The following PCNX2 variants were observed in gnomAD, a reference collection of about 807,000 sequenced individuals.
The protein encoded by PCNX2 is pecanex-like protein 2.
Under a neutral mutation model 223.8 loss-of-function variants are expected in PCNX2, and 168 were observed. That is an observed-to-expected ratio of 0.75 (90% confidence interval 0.66 to 0.85). The LOEUF (loss-of-function observed/expected upper bound fraction) is 0.85, where lower values mean the gene tolerates loss of function less well. Ranked by LOEUF, PCNX2 falls within the 40% of genes least tolerant of loss-of-function variation. PCNX2 has a pLI of 0.00. For synonymous variants in PCNX2, 1,006 were observed against 1,052.6 expected (o/e 0.96, Z 0.86); for missense variants, 2,507 against 2,675.5 (o/e 0.94, Z 1.39).
chr1:233,022,611 G>GA (rs1670933180), intron 26 of PCNX2, among the ~76,000 whole-genome samples: 1 of 145,478 alleles, frequency 6.9e-6, no homozygotes, highest in Admixed American at 6.8e-5. Flanking sequence ...AGATGGGGGG[G>GA]GAGTGGGAAA....
In PCNX2 at chr1:233,095,797, C is replaced by A. The variant is rs1438421463; in HGVS notation, c.3904G>T (p.Gly1302Cys). 1 of 1,612,492 alleles carries A rather than the reference C, an allele frequency of 6.2e-7. No individual in the cohort carries two copies. The highest frequency in any genetic ancestry group is 1.3e-5 in the African/African-American group (1 of 74,986). Residue 1302 changes from glycine (G) to cysteine (C), a missense_variant, in exon 22 of 34, where the codon GGT (glycine) becomes TGT (cysteine). By Grantham distance (159) the Gly-to-Cys change is radical. Around this residue, in one of 3 missense-constraint regions of PCNX2, gnomAD observed 1,372 missense variants for 1,509.4 expected, o/e 0.91. Coordinates refer to ENST00000258229, the MANE Select transcript of PCNX2 (RefSeq NM_014801.4). ...TGAGCAAACACGTGAAACGAAGAAC[C>A]CCAAGCCATCTGCCAAGGAGCCACA... ...TYVAPWQMAW[G>C]SSFHVFAQLF...
intron 9 of PCNX2, 62 bp from the exon 10 acceptor site, chr1:233,227,433 A>AAC (rs1018724047): frequency 3.1e-6 from 4 of 1,300,718 alleles, no homozygotes; most frequent in Non-Finnish European, 4.3e-6. Flanking sequence ...CATGGCCACA[A>AAC]ATATATATAT....
chr1:233,021,747 G>T (rs1482360876), intron 26 of PCNX2, among the ~76,000 whole-genome samples: 1 of 152,154 alleles, frequency 6.6e-6, no homozygotes, highest in Non-Finnish European at 1.5e-5. Context: ...GGAGGGCATG[G>T]TTTCCTCACA....
intron 25 of PCNX2, among the ~76,000 whole-genome samples, chr1:233,049,250 T>A (rs1414145362): frequency 6.6e-6 from 1 of 152,108 alleles, no homozygotes; most frequent in African/African-American, 2.4e-5. Context: ...AAACTACTAG[T>A]AAACCAAATT....
At chr1:233,160,151 T>C (rs1324080877) in intron 19 of PCNX2, 132 bp downstream of exon 19, 12 of 954,488 alleles carry the variant, frequency 1.3e-5, no homozygotes, top group South Asian at 1.8e-5. Context: ...ATACACATAA[T>C]GTACCATCTG....
intron 25 of PCNX2, among the ~76,000 whole-genome samples, chr1:233,042,720 G>C (rs1318568646): frequency 6.6e-6 from 1 of 152,194 alleles, no homozygotes; most frequent in Middle Eastern, 3.2e-3. Context: ...TCAAGGTTCT[G>C]ACAGGCCAAG....
chr1:233,022,249 A>G (rs1670916200), intron 26 of PCNX2, among the ~76,000 whole-genome samples: 1 of 152,174 alleles, frequency 6.6e-6, no homozygotes, highest in South Asian at 2.1e-4. Flanking sequence ...CTCCAAATCC[A>G]TGTTCCCCAG....
intron 25 of PCNX2, among the ~76,000 whole-genome samples, chr1:233,038,520 C>G (rs1671534080): frequency 6.6e-6 from 1 of 152,166 alleles, no homozygotes; most frequent in Admixed American, 6.5e-5. Context: ...ACAAACATGG[C>G]TTCGTCTCTC....
At chr1:233,195,787 G>A (rs1680692160) in intron 15 of PCNX2, among the ~76,000 whole-genome samples, 1 of 152,048 alleles carries the variant, frequency 6.6e-6, no homozygotes, top group South Asian at 2.1e-4. Context: ...CAAAGACTGT[G>A]GTATATGGAA....
In PCNX2 at chr1:233,250,839, A is replaced by C; in HGVS notation, c.2129-7T>G. ...TAACAGGATCTAATTTCCCCTGTAAAATCAGAAAATTTCAGCAAAGAATAT... is the reference window on the plus strand; with the variant it reads ...TAACAGGATCTAATTTCCCCTGTAACATCAGAAAATTTCAGCAAAGAATAT... On this transcript the variant is annotated splice_region_variant and splice_polypyrimidine_tract_variant and intron_variant, in intron 7 of 33. Transcript: ENST00000258229. 7 of 1,572,284 alleles carry C rather than the reference A, an allele frequency of 4.5e-6. No individual in the cohort carries two copies. The highest frequency in any genetic ancestry group is 6.0e-6 in the Non-Finnish European group (7 of 1,157,748).
intron 28 of PCNX2, among the ~76,000 whole-genome samples, chr1:233,014,145 C>T (rs565990559): frequency 4.7e-4 from 71 of 152,262 alleles, no homozygotes; most frequent in South Asian, 3.5e-3. Context: ...AAAAGACAGA[C>T]GTGAGCTATT....
intron 20 of PCNX2, among the ~76,000 whole-genome samples, chr1:233,135,648 C>A (rs1676760793): frequency 6.6e-6 from 1 of 152,170 alleles, no homozygotes. Context: ...TCAGTGTATG[C>A]CTCTTCATGA....
chr1:233,077,841 C>T (rs993005843), intron 23 of PCNX2, among the ~76,000 whole-genome samples: 1 of 125,258 alleles, frequency 8.0e-6, no homozygotes, highest in Admixed American at 7.3e-5. Context: ...TGAAAGGGAG[C>T]ATCTATTTAG....
At chr1:233,002,775 C>A (rs1421424912) in intron 28 of PCNX2, among the ~76,000 whole-genome samples, 1 of 152,120 alleles carries the variant, frequency 6.6e-6, no homozygotes, top group East Asian at 1.9e-4. Flanking sequence ...CTACAGTAAC[C>A]AAAACAGCAT....
At chr1:233,049,025 C>A (rs1323242339) in intron 25 of PCNX2, among the ~76,000 whole-genome samples, 4 of 151,926 alleles carry the variant, frequency 2.6e-5, no homozygotes, top group Non-Finnish European at 4.4e-5. Flanking sequence ...AAAAACTTAC[C>A]AGAGGGATTC....
intron 25 of PCNX2, among the ~76,000 whole-genome samples, chr1:233,037,710 G>A (rs3820118): frequency 0.33 from 49,805 of 152,016 alleles, 11,796 homozygotes; most frequent in African/African-American, 0.67. Flanking sequence ...AGTAGGTTCG[G>A]ATAATTTATA....
chr1:233,235,458 C>G (rs998937006), intron 9 of PCNX2, among the ~76,000 whole-genome samples: 2 of 151,894 alleles, frequency 1.3e-5, no homozygotes, highest in African/African-American at 4.8e-5. Context: ...GCAACTGGCA[C>G]TTTTAAGTTA....
chr1:233,029,585 G>A (rs1671196749), intron 25 of PCNX2, among the ~76,000 whole-genome samples: 2 of 151,808 alleles, frequency 1.3e-5, no homozygotes, highest in African/African-American at 4.9e-5. Flanking sequence ...GTCAGTTGGT[G>A]ATTATCTTAG....
chr1:233,295,974 TTCTC>T (rs1662092010), upstream of PCNX2, among the ~76,000 whole-genome samples: 1 of 148,956 alleles, frequency 6.7e-6, no homozygotes, highest in Non-Finnish European at 1.5e-5. The surrounding 1 kb of genome is among the most constrained non-coding windows in gnomAD (Gnocchi z 4.1). Flanking sequence ...CTCTCTTTCT[TTCTC>T]GCTCTTTTTT....
Sources: allele counts gnomAD v4.1 joint callset (sites outside exome capture counted in the v4.1 genomes callset), GRCh38; gene constraint gnomAD v4.1.1; regional missense constraint gnomAD v4.1.1; non-coding constraint Gnocchi (gnomAD v3.1); transcripts MANE v1.5; gene names NCBI Gene and HGNC (gene_info 2026-07-23, HGNC 2026-07-21).